The following NFIB variants were observed in gnomAD, a reference collection of about 807,000 sequenced individuals.
NFIB encodes nuclear factor 1 B-type.
NFIB carries 11 observed loss-of-function variants against 61.5 expected under a neutral mutation model. The ratio of observed to expected loss-of-function variants is 0.18; its 90% CI spans 0.11 to 0.30. The LOEUF (loss-of-function observed/expected upper bound fraction) is 0.30, where lower values mean the gene tolerates loss of function less well. Among genes scored for constraint, NFIB ranks in the 10% least tolerant of loss-of-function variants. The probability of loss-of-function intolerance (pLI) is 1.00; values close to 1 mark genes in which losing one functional copy is unlikely to be tolerated. For missense variants in NFIB, 471 were observed against 608.9 expected (o/e 0.77, Z 2.38); for synonymous variants, 260 against 216.5 (o/e 1.20, Z -1.76).
At chr9:14,128,242 T>G (rs903204733) in intron 6 of NFIB, among the ~76,000 whole-genome samples, 2 of 152,168 alleles carry the variant, frequency 1.3e-5, no homozygotes, top group African/African-American at 4.8e-5. Context: ...TTCCAAATTT[T>G]TAATTTAAAA....
chr9:14,292,802 A>C (rs1588165588), intron 2 of NFIB, among the ~76,000 whole-genome samples: 1 of 152,188 alleles, frequency 6.6e-6, no homozygotes, highest in Non-Finnish European at 1.5e-5. Context: ...TTTAGAGTCT[A>C]ATTTTTCTTT....
At chr9:14,503,262 G>T in the NFIB span, among the ~76,000 whole-genome samples, 9 of 152,014 alleles carry the variant, frequency 5.9e-5, no homozygotes, top group Non-Finnish European at 1.2e-4. Flanking sequence ...GTGTGTGCAA[G>T]TATCTTTTTC....
In NFIB at chr9:14,246,023, T is replaced by C. The variant is rs954036744; in HGVS notation, c.562+60966A>G. 2.6e-5 allele frequency among the ~76,000 whole-genome samples: 4 copies of C among 151,686 alleles called. No homozygotes were observed. The East Asian group carries it at 5.8e-4, about 22-fold the overall frequency. ...TTGAAGAATGAACAGGAATGTGTGG[T>C]TGCACAAATGTGTGCAATGAACAGG... is the stretch of plus-strand genomic sequence containing the variant. On this transcript the variant is annotated intron_variant, in intron 2 of 10. Coordinates refer to ENST00000380953, the MANE Select transcript of NFIB (RefSeq NM_001190737.2).
At chr9:14,469,799 C>G in the NFIB span, among the ~76,000 whole-genome samples, 17 of 152,258 alleles carry the variant, frequency 1.1e-4, no homozygotes, top group African/African-American at 4.1e-4. Flanking sequence ...GGGGAGGTCT[C>G]CAACTCAAAC....
At chr9:14,175,709 G>C (rs1298884612) in intron 3 of NFIB, among the ~76,000 whole-genome samples, 1 of 152,088 alleles carries the variant, frequency 6.6e-6, no homozygotes, top group Non-Finnish European at 1.5e-5. Context: ...CCTACAAAAA[G>C]GAAAGTAGCA....
chr9:14,497,239 A>T, the NFIB span, among the ~76,000 whole-genome samples: 171 of 152,334 alleles, frequency 1.1e-3, no homozygotes, highest in Middle Eastern at 6.8e-3. Context: ...TACTTACTAC[A>T]TTCTATCAAT....
At chr9:14,104,181 G>A (rs904309127) in intron 10 of NFIB, among the ~76,000 whole-genome samples, 2 of 151,974 alleles carry the variant, frequency 1.3e-5, no homozygotes, top group Admixed American at 1.3e-4. Context: ...CTAAAGTGCT[G>A]GGATTACAGG....
At chr9:14,346,836 G>A (rs949207511) in intron 1 of NFIB, among the ~76,000 whole-genome samples, 2 of 152,152 alleles carry the variant, frequency 1.3e-5, no homozygotes, top group African/African-American at 4.8e-5. Context: ...TCAAGAAGAC[G>A]TCAGAACAGG....
chr9:14,490,310 C>G, the NFIB span, among the ~76,000 whole-genome samples: 1 of 151,902 alleles, frequency 6.6e-6, no homozygotes, highest in Non-Finnish European at 1.5e-5. Flanking sequence ...TATAAAAAAT[C>G]AAATCCAAAT....
chr9:14,480,470 C>T, the NFIB span, among the ~76,000 whole-genome samples: 1 of 150,704 alleles, frequency 6.6e-6, no homozygotes, highest in Non-Finnish European at 1.5e-5. Context: ...AAGTGAAGTG[C>T]CCCTGACTGA....
Position 14,081,875 on chromosome 9 carries a change from A to C in NFIB, c.*6434T>G, listed in dbSNP as rs1192629943. 5.3e-6 allele frequency: 1 copy of C among 186,978 alleles called. No homozygotes were observed. The highest frequency in any genetic ancestry group is 1.1e-5 in the Non-Finnish European group (1 of 88,318). The allele number at this position is 186,978 out of a possible 1,614,324, so 11.6% of individuals were successfully genotyped here. ...TGTAGCATAGCTCATTTTATTGTTT[A>C]AACAGTTTTTGCATAGGAAATATAT... On this transcript the variant is annotated 3_prime_UTR_variant, in exon 11 of 11. Coordinates refer to ENST00000380953, the MANE Select transcript of NFIB (RefSeq NM_001190737.2).
intron 6 of NFIB, among the ~76,000 whole-genome samples, chr9:14,142,833 T>C (rs1294496434): frequency 6.6e-6 from 1 of 151,848 alleles, no homozygotes; most frequent in Non-Finnish European, 1.5e-5. Flanking sequence ...CAGTCAGGAG[T>C]TTAAGACCAG....
rs189703536 is a variant in NFIB, at chr9:14,381,270, C to T, written c.108+17254G>A. On this transcript the variant is annotated intron_variant, in intron 1 of 8. Transcript: ENST00000380934. ...GCAGTGGTGCAGTCTTGGCTTATTG[C>T]AACCTCCACCTCCTGGGCTCAAGCA... is the stretch of plus-strand genomic sequence containing the variant. Among the ~76,000 whole-genome samples, 59 of 151,954 alleles carry T rather than the reference C, an allele frequency of 3.9e-4. No individual in the cohort carries two copies. The East Asian group carries it at 0.011, about 29-fold the overall frequency.
chr9:14,086,480 T>C lies in NFIB; in HGVS notation c.*1829A>G. The C allele has an allele frequency of 4.6e-6, 1 of 216,298 alleles. No homozygotes were observed. The allele number at this position is 216,298 out of a possible 1,614,324, so 13.4% of individuals were successfully genotyped here. Reference sequence around the variant, plus strand: ...TTGGTATTGCATAATTCGTATAAATTTGAAACCCCTCCCCCCCAAATATTA... The same window carrying C: ...TTGGTATTGCATAATTCGTATAAATCTGAAACCCCTCCCCCCCAAATATTA... On this transcript the variant is annotated 3_prime_UTR_variant, in exon 11 of 11. Coordinates refer to ENST00000380953, the MANE Select transcript of NFIB (RefSeq NM_001190737.2).
the NFIB span, among the ~76,000 whole-genome samples, chr9:14,426,959 C>A: frequency 6.6e-6 from 1 of 152,118 alleles, no homozygotes; most frequent in Non-Finnish European, 1.5e-5. Flanking sequence ...TTGTGTCCTT[C>A]CCACAAAAGC....
intron 2 of NFIB, among the ~76,000 whole-genome samples, chr9:14,244,484 T>C (rs994557583): frequency 6.6e-6 from 1 of 152,194 alleles, no homozygotes; most frequent in Non-Finnish European, 1.5e-5. Flanking sequence ...AAGAATTACA[T>C]TTCTTCTGAG....
At chr9:14,243,682 T>G (rs78700334) in intron 2 of NFIB, among the ~76,000 whole-genome samples, 1,970 of 152,320 alleles carry the variant, frequency 0.013, 51 homozygotes, top group African/African-American at 0.044. Flanking sequence ...ATTTCATTTT[T>G]TTCTCAGCAT....
At chr9:14,431,085 G>A in the NFIB span, among the ~76,000 whole-genome samples, 3 of 152,128 alleles carry the variant, frequency 2.0e-5, no homozygotes, top group Non-Finnish European at 4.4e-5. Context: ...TTCAAAATTA[G>A]AATTTTCTCT....
chr9:14,439,247 G>A, the NFIB span, among the ~76,000 whole-genome samples: 1 of 152,114 alleles, frequency 6.6e-6, no homozygotes, highest in Non-Finnish European at 1.5e-5. Context: ...GCACAGGCCT[G>A]TAGTCCCAGA....
Sources: gnomAD v4.1 joint callset for allele counts (sites outside exome capture counted in the v4.1 genomes callset) on GRCh38, gnomAD v4.1.1 for gene constraint, MANE v1.5 for transcripts, NCBI Gene and HGNC (gene_info 2026-07-23, HGNC 2026-07-21) for gene names.